Variants in FNDC7 observed in about 807,000 individuals in gnomAD.
FNDC7 encodes the protein fibronectin type III domain containing 7.
FNDC7 carries 66 observed loss-of-function variants against 74.2 expected under a neutral mutation model. The ratio of observed to expected loss-of-function variants is 0.89; its 90% CI spans 0.73 to 1.09. FNDC7 has a LOEUF of 1.09. Among genes scored for constraint, FNDC7 ranks in the 50% least tolerant of loss-of-function variants. FNDC7 has a pLI of 0.00. For synonymous variants in FNDC7, 307 were observed against 330.2 expected (o/e 0.93, Z 0.76); for missense variants, 829 against 893.4 (o/e 0.93, Z 0.92).
chr1:108,716,578 G>A (rs957185520), intron 2 of FNDC7, among the ~76,000 whole-genome samples: 16 of 152,050 alleles, frequency 1.1e-4, no homozygotes, highest in African/African-American at 3.9e-4. Context: ...GTCTGGCCAG[G>A]GCACAGAGGA....
intron 9 of FNDC7, among the ~76,000 whole-genome samples, chr1:108,731,254 C>T (rs1661346616): frequency 6.6e-6 from 1 of 152,166 alleles, no homozygotes; most frequent in South Asian, 2.1e-4. Context: ...CTAGATCACA[C>T]ATTCTGTTTG....
At chr1:108,730,583 AAC>A in intron 8 of FNDC7, 89 bp from the exon 9 acceptor site, 1 of 1,424,148 alleles carries the variant, frequency 7.0e-7, no homozygotes, top group South Asian at 1.4e-5. Flanking sequence ...TATTGAGTGA[AAC>A]ACAGGCAAAA....
At chr1:108,724,542 C>T (rs1474461928) in intron 5 of FNDC7, among the ~76,000 whole-genome samples, 2 of 151,822 alleles carry the variant, frequency 1.3e-5, no homozygotes, top group Non-Finnish European at 2.9e-5. Flanking sequence ...TTGCTTGAGT[C>T]CAGGAGTTCA....
At chr1:108,740,085 G>GAT (rs1222373588) in intron 11 of FNDC7, among the ~76,000 whole-genome samples, 2 of 148,990 alleles carry the variant, frequency 1.3e-5, no homozygotes, top group African/African-American at 5.0e-5. Context: ...GAGTAAGCCA[G>GAT]ATTATTTGAG....
intron 4 of FNDC7, among the ~76,000 whole-genome samples, 167 bp from the exon 5 acceptor site, chr1:108,722,168 A>G (rs1195656014): frequency 6.6e-6 from 1 of 152,238 alleles, no homozygotes; most frequent in African/African-American, 2.4e-5. Flanking sequence ...TAGCAGATGA[A>G]TTACCAGTTC....
At chr1:108,735,802 GTTTT>G (rs1277876982) in intron 10 of FNDC7, among the ~76,000 whole-genome samples, 2 of 151,654 alleles carry the variant, frequency 1.3e-5, no homozygotes, top group African/African-American at 4.8e-5. Context: ...TTTTTGTGGG[GTTTT>G]TTTGTTTGTT....
At chr1:108,731,838 G>T (rs922318382) in intron 9 of FNDC7, among the ~76,000 whole-genome samples, 3 of 152,160 alleles carry the variant, frequency 2.0e-5, no homozygotes, top group African/African-American at 7.2e-5. Context: ...ACTTTCTTTT[G>T]ACCCATTATC....
At position 108,724,357 on chromosome 1, in the gene FNDC7, C is replaced by T. The variant is rs574923070; in HGVS notation, c.857-1393C>T. On this transcript the variant is annotated intron_variant, in intron 5 of 12. Coordinates refer to ENST00000370017, the MANE Select transcript of FNDC7 (RefSeq NM_001144937.3). ...CATACTATTTGATTTGTTCCTTATT[C>T]GTAGCATCTAGTATCTTAACTCTAT... Among the ~76,000 whole-genome samples, 68 of 151,924 alleles carry T rather than the reference C, an allele frequency of 4.5e-4. No homozygotes were observed. In the South Asian group the frequency reaches 0.014, roughly 30 times the overall value.
chr1:108,722,834 C>T (rs568056654), intron 5 of FNDC7, among the ~76,000 whole-genome samples: 1 of 152,300 alleles, frequency 6.6e-6, no homozygotes, highest in East Asian at 1.9e-4. Context: ...CCAGATCTTT[C>T]ATTAATTAGT....
chr1:108,740,777 A>G (rs1661626132), intron 11 of FNDC7, among the ~76,000 whole-genome samples: 1 of 152,266 alleles, frequency 6.6e-6, no homozygotes, highest in South Asian at 2.1e-4. Flanking sequence ...TCAGGATTAA[A>G]TGAGAATGTA....
At chr1:108,714,095 T>G (rs1660926055) in intron 2 of FNDC7, among the ~76,000 whole-genome samples, 1 of 152,116 alleles carries the variant, frequency 6.6e-6, no homozygotes, top group African/African-American at 2.4e-5. Flanking sequence ...GCAAAAATAA[T>G]TTATCTAGAG....
At chr1:108,730,949 G>C in intron 9 of FNDC7, 21 bp downstream of exon 9, 1 of 1,591,440 alleles carries the variant, frequency 6.3e-7, no homozygotes, top group Non-Finnish European at 8.6e-7. Flanking sequence ...TCTAGCTCTA[G>C]AGTAGCAGTA....
At chr1:108,724,830 C>G (rs1661172419) in intron 5 of FNDC7, among the ~76,000 whole-genome samples, 1 of 151,730 alleles carries the variant, frequency 6.6e-6, no homozygotes. Flanking sequence ...CCTGTAATCC[C>G]AGCACTTTGG....
chr1:108,727,666 C>A, intron 6 of FNDC7, 142 bp from the exon 7 acceptor site: 1 of 989,718 alleles, frequency 1.0e-6, no homozygotes, highest in Non-Finnish European at 1.5e-6. Flanking sequence ...AAGATTGGAC[C>A]TTGACAGACC....
At chr1:108,734,526 T>C (rs893621986) in intron 10 of FNDC7, 1 of 152,208 alleles carries the variant, frequency 6.6e-6, no homozygotes, top group Non-Finnish European at 1.5e-5. Context: ...AGAATAAATA[T>C]TGGCTCACAA....
At chr1:108,722,263 A>C in intron 4 of FNDC7, 72 bp from the exon 5 acceptor site, 12 of 1,411,876 alleles carry the variant, frequency 8.5e-6, no homozygotes, top group Non-Finnish European at 1.1e-5. Context: ...CAGGCTCTGC[A>C]ACATTGTTAT....
Position 108,727,810 on chromosome 1 carries a change from C to G in FNDC7, c.1114C>G (p.Pro372Ala), listed in dbSNP as rs1481963656. 6.2e-7 allele frequency: 1 copy of G among 1,614,032 alleles called. No individual in the cohort carries two copies. The highest frequency in any genetic ancestry group is 1.1e-5 in the South Asian group (1 of 91,074). ...LGDIFNYTTA[P>A]CCPSDINPVL... Reference sequence around the variant, plus strand: ...TTTCCCTCTGCTCCTGCTTTCAGCTCCCTGTTGTCCTAGTGACATTAACCC... The same window carrying G: ...TTTCCCTCTGCTCCTGCTTTCAGCTGCCTGTTGTCCTAGTGACATTAACCC... The change falls in exon 7 of 13, where the codon CCC becomes GCC. Residue 372 changes from proline to alanine, a missense_variant and splice_region_variant. By Grantham distance (27) the Pro-to-Ala change is conservative (BLOSUM62 -1). Transcript: ENST00000370017.
Position 108,742,142 on chromosome 1 carries a change from G to A in FNDC7, c.*255G>A. 3.1e-6 allele frequency: 1 copy of A among 323,526 alleles called. No homozygotes were observed. Among genetic ancestry groups the A allele is most frequent in the Non-Finnish European group, 5.7e-6 (1 of 175,764 alleles). The allele number at this position is 323,526 out of a possible 1,614,324, so 20.0% of individuals were successfully genotyped here. A position where few individuals can be genotyped will look rare whatever the true frequency, so the allele number is the denominator to read the frequency against. ...ATGAATCCAGAAAGTCCCCTGGACG[G>A]CTGCTAGCCTGAGTTGGCACACTGT... On this transcript the variant is annotated 3_prime_UTR_variant, in exon 13 of 13. Coordinates refer to ENST00000370017, the MANE Select transcript of FNDC7 (RefSeq NM_001144937.3).
At chr1:108,713,467 G>A (rs1178745655) in intron 1 of FNDC7, 44 bp from the exon 2 acceptor site, 1 of 1,527,610 alleles carries the variant, frequency 6.5e-7, no homozygotes, top group Admixed American at 2.0e-5. Context: ...TGTTCAAGTT[G>A]TGTTTTTCTG....
Sources: gnomAD v4.1 joint callset for allele counts (sites outside exome capture counted in the v4.1 genomes callset) on GRCh38, gnomAD v4.1.1 for gene constraint, MANE v1.5 for transcripts, NCBI Gene and HGNC (gene_info 2026-07-23, HGNC 2026-07-21) for gene names.